INPP4A: variants seen among roughly 807,000 people sequenced by gnomAD.
The protein encoded by INPP4A is inositol polyphosphate-4-phosphatase, type I, 107kD.
In INPP4A, 33 loss-of-function variants were observed where a neutral mutation model predicts 119.8. The observed-to-expected ratio is 0.28, with a 90% CI of 0.21 to 0.37. The LOEUF (loss-of-function observed/expected upper bound fraction) is 0.37, where lower values mean the gene tolerates loss of function less well. Among genes scored for constraint, INPP4A ranks in the 10% least tolerant of loss-of-function variants. INPP4A has a pLI of 1.00. For missense variants in INPP4A, 956 were observed against 1,289.9 expected (o/e 0.74, Z 3.97); for synonymous variants, 496 against 500.7 (o/e 0.99, Z 0.12).
At chr2:98,481,751 G>C (rs1177040758) in intron 1 of INPP4A, among the ~76,000 whole-genome samples, 1 of 152,166 alleles carries the variant, frequency 6.6e-6, no homozygotes, top group South Asian at 2.1e-4. Context: ...AGGAAGACAG[G>C]GAGGCTGTGA....
At chr2:98,514,767 TA>T (rs977617221) in intron 1 of INPP4A, among the ~76,000 whole-genome samples, 13 of 151,968 alleles carry the variant, frequency 8.6e-5, no homozygotes, top group African/African-American at 3.1e-4. Context: ...AAAAAATTAG[TA>T]ATTATCCAGA....
intron 1 of INPP4A, among the ~76,000 whole-genome samples, chr2:98,499,786 G>A (rs780794845): frequency 9.2e-5 from 14 of 152,174 alleles, no homozygotes; most frequent in South Asian, 2.1e-4. Flanking sequence ...TTGGGCTATC[G>A]TAACTTTCAA....
At chr2:98,445,254 G>C (rs537127835) in intron 1 of INPP4A, among the ~76,000 whole-genome samples, 169 bp downstream of exon 1, 18 of 152,248 alleles carry the variant, frequency 1.2e-4, no homozygotes, top group Admixed American at 5.2e-4. Context: ...GTCCACCTGC[G>C]GTGGCGTCTT....
At chr2:98,503,286 C>T (rs951863516) in intron 1 of INPP4A, among the ~76,000 whole-genome samples, 8 of 152,088 alleles carry the variant, frequency 5.3e-5, no homozygotes, top group African/African-American at 1.9e-4. Flanking sequence ...AATTGAGATC[C>T]TAGGGAGTTC....
At chr2:98,521,994 A>C (rs569206296) in intron 4 of INPP4A, among the ~76,000 whole-genome samples, 17 of 152,300 alleles carry the variant, frequency 1.1e-4, no homozygotes, top group Non-Finnish European at 2.2e-4. Flanking sequence ...TAAAGAAATA[A>C]TAATTTATAT....
intron 1 of INPP4A, among the ~76,000 whole-genome samples, chr2:98,467,508 C>G (rs1391785776): frequency 6.6e-6 from 1 of 152,196 alleles, no homozygotes; most frequent in African/African-American, 2.4e-5. Flanking sequence ...TTAGCGACAC[C>G]GTCCACATGT....
In INPP4A at chr2:98,565,755, C is replaced by T. The variant is rs908930687; in HGVS notation, c.2268C>T (p.Ile756=). The change falls in exon 20 of 25, where the codon ATC becomes ATT. Residue 756 remains isoleucine, a synonymous_variant. Coordinates refer to ENST00000409851, the MANE Select transcript of INPP4A (RefSeq NM_001134225.2). ...SSASADMLPV[I]TGNRDGFNVR... ...CCTCCGCAGACATGCTGCCCGTCAT[C>T]ACAGGAAATCGGTAGAGTGTTGGTT... 3 of 1,612,014 alleles carry T rather than the reference C, an allele frequency of 1.9e-6. No homozygotes were observed. Among genetic ancestry groups the T allele is most frequent in the East Asian group, 4.5e-5 (2 of 44,854 alleles).
chr2:98,549,121 A>G (rs1387774359), intron 13 of INPP4A, among the ~76,000 whole-genome samples: 1 of 151,986 alleles, frequency 6.6e-6, no homozygotes, highest in African/African-American at 2.4e-5. Context: ...CTCCCTTCCA[A>G]CTGCAATGTT....
At chr2:98,504,359 C>T (rs1049174055) in intron 1 of INPP4A, among the ~76,000 whole-genome samples, 7 of 152,198 alleles carry the variant, frequency 4.6e-5, no homozygotes, top group African/African-American at 1.7e-4. Flanking sequence ...AACAGGATTC[C>T]ATTTTCACAG....
chr2:98,547,823 G>A (rs1692741126), intron 13 of INPP4A, among the ~76,000 whole-genome samples: 1 of 152,012 alleles, frequency 6.6e-6, no homozygotes, highest in Admixed American at 6.6e-5. Context: ...GAAGGAACAA[G>A]CAGAAGCATC....
At chr2:98,497,741 C>T (rs955834340) in intron 1 of INPP4A, among the ~76,000 whole-genome samples, 9 of 152,078 alleles carry the variant, frequency 5.9e-5, no homozygotes, top group African/African-American at 1.9e-4. Flanking sequence ...GAAGCTTGGG[C>T]GCAACTGCCC....
At chr2:98,485,638 G>T (rs1012216197) in intron 1 of INPP4A, among the ~76,000 whole-genome samples, 2 of 152,124 alleles carry the variant, frequency 1.3e-5, no homozygotes. Context: ...CCAGCTGAGA[G>T]TTCCTTTATT....
intron 1 of INPP4A, among the ~76,000 whole-genome samples, chr2:98,449,147 G>C (rs879833344): frequency 6.6e-6 from 1 of 152,160 alleles, no homozygotes; most frequent in Non-Finnish European, 1.5e-5. Context: ...TAGTTAATCT[G>C]TGTCTTAAAG....
At chr2:98,445,276 C>G (rs1360610954) in intron 1 of INPP4A, among the ~76,000 whole-genome samples, 191 bp downstream of exon 1, 2 of 152,098 alleles carry the variant, frequency 1.3e-5, no homozygotes, top group Non-Finnish European at 2.9e-5. Flanking sequence ...TGAGAACAAT[C>G]CGAGCCCGGC....
In INPP4A at chr2:98,469,466, C is replaced by T. The variant is rs186662528; in HGVS notation, c.-166+24381C>T. Reference sequence around the variant, plus strand: ...AGTGAGCCGAGATCGCGCCATTGCACTCCAGCCTGGGCAACAGAGCAAGAC... The same window carrying T: ...AGTGAGCCGAGATCGCGCCATTGCATTCCAGCCTGGGCAACAGAGCAAGAC... On this transcript the variant is annotated intron_variant, in intron 1 of 24. Coordinates refer to ENST00000409851, the MANE Select transcript of INPP4A (RefSeq NM_001134225.2). Among the ~76,000 whole-genome samples, 770 of 150,642 alleles carry T rather than the reference C, an allele frequency of 5.1e-3. 11 individuals carry two copies. Among genetic ancestry groups the T allele is most frequent in the African/African-American group, 0.017 (714 of 40,886 alleles).
intron 1 of INPP4A, among the ~76,000 whole-genome samples, chr2:98,475,309 C>T (rs998854694): frequency 3.3e-5 from 5 of 152,124 alleles, no homozygotes; most frequent in Admixed American, 2.6e-4. Context: ...CTGTGTGTGC[C>T]GAGAGCCACA....
intron 1 of INPP4A, among the ~76,000 whole-genome samples, chr2:98,454,331 C>T (rs556442910): frequency 2.4e-4 from 36 of 152,248 alleles, no homozygotes; most frequent in East Asian, 9.6e-4. Flanking sequence ...TTAATGCAGG[C>T]GCTAGTCTGG....
At position 98,538,906 on chromosome 2, in the gene INPP4A, G is replaced by A. The variant is rs954252241; in HGVS notation, c.595G>A (p.Asp199Asn). Residue 199 changes from aspartate to asparagine, a missense_variant, in exon 9 of 25, where the codon GAT becomes AAT. Coordinates refer to ENST00000409851, the MANE Select transcript of INPP4A (RefSeq NM_001134225.2). The part of the protein sequence containing the change: ...TVNGRMVLPV[D>N]ESLTEALGIR... ...ACATTATCAGATGGTTCTTCCTGTCGATGAGAGCTTGACGGAGGCGTTAGG... is the reference window on the plus strand; with the variant it reads ...ACATTATCAGATGGTTCTTCCTGTCAATGAGAGCTTGACGGAGGCGTTAGG... The A allele has an allele frequency of 3.1e-6, 5 of 1,606,678 alleles. No individual in the cohort carries two copies. The highest frequency in any genetic ancestry group is 1.7e-5 in the Admixed American group (1 of 59,866).
intron 4 of INPP4A, 120 bp downstream of exon 4, chr2:98,520,851 T>G: frequency 1.6e-6 from 1 of 610,832 alleles, no homozygotes. Flanking sequence ...CCACCACTGC[T>G]GCAGCGTTTC....
Sources: allele counts gnomAD v4.1 joint callset (sites outside exome capture counted in the v4.1 genomes callset), GRCh38; gene constraint gnomAD v4.1.1; transcripts MANE v1.5; gene names NCBI Gene and HGNC (gene_info 2026-07-23, HGNC 2026-07-21).